MEGF11: variants seen among roughly 807,000 people sequenced by gnomAD.
The protein encoded by MEGF11 is multiple EGF like domains 11, also known as multiple epidermal growth factor-like domains protein 11.
Under a neutral mutation model 146.6 loss-of-function variants are expected in MEGF11, and 126 were observed. The ratio of observed to expected loss-of-function variants is 0.86; its 90% CI spans 0.74 to 1.00. The LOEUF (loss-of-function observed/expected upper bound fraction) is 1.00, where lower values mean the gene tolerates loss of function less well. MEGF11 is among the 50% of genes least tolerant of loss of function. The pLI is 0.00. For synonymous variants in MEGF11, 532 were observed against 583.4 expected (o/e 0.91, Z 1.27); for missense variants, 1,509 against 1,521.2 (o/e 0.99, Z 0.13).
intron 5 of MEGF11, among the ~76,000 whole-genome samples, chr15:66,029,153 CT>C (rs1236260180): frequency 2.0e-5 from 3 of 150,794 alleles, no homozygotes; most frequent in African/African-American, 7.4e-5. Context: ...ACAGAATTGC[CT>C]TGTTTTTTTT....
chr15:66,134,862 A>T (rs1265573729), intron 1 of MEGF11, among the ~76,000 whole-genome samples: 1 of 152,232 alleles, frequency 6.6e-6, no homozygotes, highest in Non-Finnish European at 1.5e-5. Flanking sequence ...AAAGAGTCCA[A>T]CACCTCATCC....
chr15:66,112,604 A>C (rs144349854), intron 4 of MEGF11, among the ~76,000 whole-genome samples: 4 of 152,240 alleles, frequency 2.6e-5, no homozygotes, highest in Non-Finnish European at 5.9e-5. Context: ...GATGAAGGAC[A>C]TGAATCCTTA....
intron 5 of MEGF11, among the ~76,000 whole-genome samples, chr15:66,042,278 T>G (rs2084017671): frequency 1.3e-5 from 2 of 151,730 alleles, no homozygotes; most frequent in African/African-American, 4.8e-5. Context: ...CCTGGCTAAT[T>G]TTTGTATTTT....
At chr15:66,170,312 G>T (rs554479062) in intron 1 of MEGF11, among the ~76,000 whole-genome samples, 1 of 152,136 alleles carries the variant, frequency 6.6e-6, no homozygotes, top group Non-Finnish European at 1.5e-5. Flanking sequence ...GATATTTTGC[G>T]TTTTGCAGAA....
chr15:65,927,514 G>A (rs541169356), intron 13 of MEGF11, among the ~76,000 whole-genome samples: 166 of 152,350 alleles, frequency 1.1e-3, no homozygotes, highest in African/African-American at 3.6e-3. Context: ...TACCACAATA[G>A]GAAAAGTGTA....
At chr15:66,055,737 T>C (rs2084647855) in intron 5 of MEGF11, among the ~76,000 whole-genome samples, 1 of 152,188 alleles carries the variant, frequency 6.6e-6, no homozygotes, top group African/African-American at 2.4e-5. Context: ...AGTTACTAGT[T>C]ATTAAATCAC....
At chr15:65,953,053 C>T (rs1200611379) in intron 10 of MEGF11, among the ~76,000 whole-genome samples, 1 of 152,182 alleles carries the variant, frequency 6.6e-6, no homozygotes, top group South Asian at 2.1e-4. Flanking sequence ...CAGTTGTGCA[C>T]GTTCATGGCT....
chr15:65,982,099 A>C lies in MEGF11; in HGVS notation c.641+143T>G, dbSNP rs992549249. ...CACCCAGCCCACCCACAAGGAGCCCAGGGCTGGGCGTGCAGCTGCGGTGAG... is the reference window on the plus strand; with the variant it reads ...CACCCAGCCCACCCACAAGGAGCCCCGGGCTGGGCGTGCAGCTGCGGTGAG... On this transcript the variant is annotated intron_variant, in intron 6 of 25. Transcript: ENST00000395614. This position sits in a 1 kb window ranked among gnomAD's most constrained non-coding sequence, Gnocchi z 5.6. 2.2e-5 allele frequency: 22 copies of C among 996,342 alleles called. No homozygotes were observed. The highest frequency in any genetic ancestry group is 2.1e-5 in the Non-Finnish European group (15 of 729,462). The allele number at this position is 996,342 out of a possible 1,614,324, so 61.7% of individuals were successfully genotyped here.
chr15:66,090,158 A>G (rs889153805), intron 5 of MEGF11, among the ~76,000 whole-genome samples: 1 of 152,030 alleles, frequency 6.6e-6, no homozygotes, highest in African/African-American at 2.4e-5. Context: ...TCCCCACCCA[A>G]CCCCGGTACT....
intron 10 of MEGF11, among the ~76,000 whole-genome samples, chr15:65,937,925 G>C (rs2079846033): frequency 6.6e-6 from 1 of 152,254 alleles, no homozygotes; most frequent in Non-Finnish European, 1.5e-5. Flanking sequence ...CTTTGCAAGT[G>C]TCCAGCTGGG....
At chr15:66,248,056 C>T (rs1351027759) in intron 1 of MEGF11, among the ~76,000 whole-genome samples, 1 of 151,788 alleles carries the variant, frequency 6.6e-6, no homozygotes, top group East Asian at 1.9e-4. Context: ...TTGACTTAGG[C>T]GTGACACATG....
At chr15:66,079,803 TG>T (rs1369452770) in intron 5 of MEGF11, among the ~76,000 whole-genome samples, 1 of 152,068 alleles carries the variant, frequency 6.6e-6, no homozygotes, top group Non-Finnish European at 1.5e-5. Flanking sequence ...AGGGTAGAGA[TG>T]GGGTGGGAAG....
chr15:66,028,905 TGTTTTTAAAC>T (rs1346196074), intron 5 of MEGF11, among the ~76,000 whole-genome samples: 61 of 152,366 alleles, frequency 4.0e-4, no homozygotes, highest in African/African-American at 1.5e-3. Flanking sequence ...GATTTATTTT[TGTTTTTAAAC>T]ATTTCCTGTA....
At chr15:66,162,750 C>T (rs1405030775) in intron 1 of MEGF11, among the ~76,000 whole-genome samples, 1 of 152,074 alleles carries the variant, frequency 6.6e-6, no homozygotes, top group Non-Finnish European at 1.5e-5. Context: ...GTAAAGATTC[C>T]TCCAGCTGGA....
At chr15:66,165,947 T>C (rs1411446926) in intron 1 of MEGF11, among the ~76,000 whole-genome samples, 1 of 152,064 alleles carries the variant, frequency 6.6e-6, no homozygotes, top group Non-Finnish European at 1.5e-5. Context: ...CCAGGCAGGG[T>C]GGCTGAGCTC....
At chr15:66,116,838 C>A (rs2087754715) in intron 4 of MEGF11, among the ~76,000 whole-genome samples, 1 of 152,170 alleles carries the variant, frequency 6.6e-6, no homozygotes, top group Non-Finnish European at 1.5e-5. Flanking sequence ...GGTGTTACTA[C>A]TGCCATTTTA....
At chr15:66,118,763 C>T (rs146140366) in intron 4 of MEGF11, among the ~76,000 whole-genome samples, 43 of 152,336 alleles carry the variant, frequency 2.8e-4, no homozygotes, top group African/African-American at 1.0e-3. Flanking sequence ...TGCCAGGCAC[C>T]CAGCACTTCT....
intron 1 of MEGF11, among the ~76,000 whole-genome samples, chr15:66,224,418 A>C (rs1248888779): frequency 6.6e-6 from 1 of 151,738 alleles, no homozygotes; most frequent in East Asian, 1.9e-4. Context: ...CTACTAAAAA[A>C]CAAAGAAACA....
At chr15:66,232,902 T>A (rs556511602) in intron 1 of MEGF11, among the ~76,000 whole-genome samples, 2 of 152,308 alleles carry the variant, frequency 1.3e-5, no homozygotes, top group East Asian at 3.9e-4. Context: ...AGAGGTTAAC[T>A]AGTTTCACCA....
Sources: gnomAD v4.1 joint callset for allele counts (sites outside exome capture counted in the v4.1 genomes callset) on GRCh38, gnomAD v4.1.1 for gene constraint, Gnocchi (gnomAD v3.1) non-coding constraint, MANE v1.5 for transcripts, NCBI Gene and HGNC (gene_info 2026-07-23, HGNC 2026-07-21) for gene names.